UNC5D: variants seen among roughly 807,000 people sequenced by gnomAD.
UNC5D encodes unc-5 netrin receptor D, also known as netrin receptor UNC5D.
A neutral mutation model predicts 105.4 loss-of-function variants in UNC5D; 39 were observed. The ratio of observed to expected loss-of-function variants is 0.37; its 90% CI spans 0.29 to 0.48. UNC5D has a LOEUF of 0.48. UNC5D is among the 20% of genes least tolerant of loss of function. The pLI is 0.98. For synonymous variants in UNC5D, 452 were observed against 450.4 expected, an observed-to-expected ratio of 1.00 and a Z score of -0.04; for missense variants, 991 against 1,202.4, an observed-to-expected ratio of 0.82 and a Z score of 2.60.
chr8:35,480,949 A>G (rs1810445145), intron 1 of UNC5D, among the ~76,000 whole-genome samples: 2 of 152,154 alleles, frequency 1.3e-5, no homozygotes, highest in Non-Finnish European at 2.9e-5. Flanking sequence ...TGACAATTAG[A>G]TCTCCAAGTG....
intron 1 of UNC5D, among the ~76,000 whole-genome samples, chr8:35,400,348 TG>T (rs917817149): frequency 3.9e-5 from 6 of 152,308 alleles, no homozygotes; most frequent in African/African-American, 1.4e-4. Flanking sequence ...GTGCATATTC[TG>T]GTGATATGTT....
intron 1 of UNC5D, among the ~76,000 whole-genome samples, chr8:35,539,839 G>T (rs1020123410): frequency 6.6e-6 from 1 of 152,256 alleles, no homozygotes; most frequent in African/African-American, 2.4e-5. Flanking sequence ...AATGTTGTTT[G>T]TTCCTTACAG....
At chr8:35,581,390 T>C (rs1013194457) in intron 3 of UNC5D, among the ~76,000 whole-genome samples, 2 of 152,172 alleles carry the variant, frequency 1.3e-5, no homozygotes, top group Admixed American at 6.6e-5. Context: ...TCCACTTGGA[T>C]ATCCAGTAGG....
chr8:35,555,447 G>A (rs1459400650), intron 2 of UNC5D, among the ~76,000 whole-genome samples: 1 of 152,160 alleles, frequency 6.6e-6, no homozygotes, highest in Non-Finnish European at 1.5e-5. Flanking sequence ...AATAATGTCT[G>A]ATATCGACCA....
intron 1 of UNC5D, among the ~76,000 whole-genome samples, chr8:35,236,458 G>C (rs1802474368): frequency 6.6e-6 from 1 of 152,258 alleles, no homozygotes; most frequent in Non-Finnish European, 1.5e-5. Flanking sequence ...TCGGGAGAGC[G>C]GCGTGCACCA....
At chr8:35,680,623 T>C (rs1825596622) in intron 4 of UNC5D, among the ~76,000 whole-genome samples, 1 of 152,216 alleles carries the variant, frequency 6.6e-6, no homozygotes, top group African/African-American at 2.4e-5. Context: ...TTATTTTTCT[T>C]TAAGTTTTCA....
chr8:35,686,292 G>T (rs1826005524), intron 6 of UNC5D, among the ~76,000 whole-genome samples: 1 of 152,126 alleles, frequency 6.6e-6, no homozygotes, highest in Non-Finnish European at 1.5e-5. Flanking sequence ...AGTGGTGCTG[G>T]AAATATGAAT....
chr8:35,558,491 C>G (rs1816712268), intron 2 of UNC5D, among the ~76,000 whole-genome samples: 1 of 152,064 alleles, frequency 6.6e-6, no homozygotes, highest in Non-Finnish European at 1.5e-5. Context: ...GGGAGTATCT[C>G]ATTGTTGAAG....
chr8:35,760,666 G>A (rs1000036294), intron 14 of UNC5D, among the ~76,000 whole-genome samples: 4 of 152,050 alleles, frequency 2.6e-5, no homozygotes, highest in Non-Finnish European at 4.4e-5. Context: ...AGCTTCTGGC[G>A]GACTCACATT....
At chr8:35,266,158 A>G (rs1804858308) in intron 1 of UNC5D, among the ~76,000 whole-genome samples, 1 of 152,110 alleles carries the variant, frequency 6.6e-6, no homozygotes, top group Non-Finnish European at 1.5e-5. Context: ...TAAGTTGACC[A>G]CCTTTCACTA....
At chr8:35,573,912 G>C (rs2130810566) in intron 3 of UNC5D, among the ~76,000 whole-genome samples, 1 of 152,220 alleles carries the variant, frequency 6.6e-6, no homozygotes, top group South Asian at 2.1e-4. Context: ...ATTTTATAAA[G>C]GTAAAAATAA....
chr8:35,572,536 G>A (rs1817811607), intron 3 of UNC5D, among the ~76,000 whole-genome samples: 1 of 152,058 alleles, frequency 6.6e-6, no homozygotes, highest in South Asian at 2.1e-4. Context: ...TCACTGAAAT[G>A]GATTTCCATG....
intron 3 of UNC5D, among the ~76,000 whole-genome samples, chr8:35,589,661 G>A (rs1819032335): frequency 6.6e-6 from 1 of 151,966 alleles, no homozygotes; most frequent in Admixed American, 6.5e-5. Context: ...CATACTCCTT[G>A]CTCAGCTGCA....
chr8:35,654,649 G>A (rs867150512), intron 4 of UNC5D, among the ~76,000 whole-genome samples: 7 of 151,618 alleles, frequency 4.6e-5, no homozygotes, highest in Admixed American at 2.0e-4. Context: ...TTCATGACAT[G>A]CTTTATCTAA....
chr8:35,492,566 C>G (rs144027660), intron 1 of UNC5D, among the ~76,000 whole-genome samples: 1 of 151,104 alleles, frequency 6.6e-6, no homozygotes, highest in Non-Finnish European at 1.5e-5. Flanking sequence ...TATTATTAAC[C>G]GACAGTAGAC....
chr8:35,552,704 C>G (rs1816253951), intron 2 of UNC5D, among the ~76,000 whole-genome samples: 1 of 152,122 alleles, frequency 6.6e-6, no homozygotes, highest in Non-Finnish European at 1.5e-5. Context: ...CAAATTGAAT[C>G]TTGGTTTCAG....
intron 1 of UNC5D, among the ~76,000 whole-genome samples, chr8:35,364,259 ACTTTATTT>A (rs753152076): frequency 2.5e-5 from 3 of 120,008 alleles, no homozygotes; most frequent in Non-Finnish European, 5.5e-5. Context: ...TTTCTCTTAT[ACTTTATTT>A]CTTTATATTA....
intron 1 of UNC5D, among the ~76,000 whole-genome samples, chr8:35,309,116 C>T (rs1808670289): frequency 6.6e-6 from 1 of 152,174 alleles, no homozygotes; most frequent in African/African-American, 2.4e-5. Flanking sequence ...CATTCTTCCT[C>T]ATGAACAATT....
intron 1 of UNC5D, among the ~76,000 whole-genome samples, chr8:35,297,382 A>G (rs1476681738): frequency 6.6e-6 from 1 of 152,144 alleles, no homozygotes; most frequent in Non-Finnish European, 1.5e-5. Context: ...ATTTGAGTAG[A>G]AGGGTGAAGA....
Sources: allele counts gnomAD v4.1 joint callset (sites outside exome capture counted in the v4.1 genomes callset), GRCh38; gene constraint gnomAD v4.1.1; transcripts MANE v1.5; gene names NCBI Gene and HGNC (gene_info 2026-07-23, HGNC 2026-07-21).